The following USP42 variants were observed in gnomAD, a reference collection of about 807,000 sequenced individuals.
The protein encoded by USP42 is ubiquitin carboxyl-terminal hydrolase 42.
USP42 carries 23 observed loss-of-function variants against 113.0 expected under a neutral mutation model. The ratio of observed to expected loss-of-function variants is 0.20; its 90% CI spans 0.15 to 0.29. USP42 has a LOEUF of 0.29. Ranked by LOEUF, USP42 falls within the 10% of genes least tolerant of loss-of-function variation. USP42 has a pLI of 1.00. For missense variants in USP42, 2,174 were observed against 1,779.8 expected (o/e 1.22, Z -3.99); for synonymous variants, 933 against 699.0 (o/e 1.33, Z -5.28).
At chr7:6,114,676 ATATTTTTTTTTTTTTTTT>A (rs1354402484) in intron 2 of USP42, among the ~76,000 whole-genome samples, 2 of 31,266 alleles carry the variant, frequency 6.4e-5, no homozygotes, top group Non-Finnish European at 1.0e-4. Context: ...ATATATATAT[ATATTTTTTTTTTTTTTTT>A]TTTTTTTTTT....
rs759259161 is a variant in USP42 at position 6,139,389 on chromosome 7, C to T, written c.656+195C>T. 40 of 463,314 alleles carry T rather than the reference C, an allele frequency of 8.6e-5. No individual in the cohort carries two copies. The highest frequency in any genetic ancestry group is 1.1e-3 in the Middle Eastern group (2 of 1,836). 28.7% of individuals were successfully genotyped at this position (463,314 alleles called of 1,614,324 possible). A position where few individuals can be genotyped will look rare whatever the true frequency, so the allele number is the denominator to read the frequency against. On this transcript the variant is annotated intron_variant, in intron 5 of 17. Transcript: ENST00000306177. This position sits in a 1 kb window ranked among gnomAD's most constrained non-coding sequence, Gnocchi z 4.5. Reference sequence around the variant, plus strand: ...GGTTGAAATTTACACGTGTGTCTTACGTAACAGTTTGAGTTGGCTCAATCA... The same window carrying T: ...GGTTGAAATTTACACGTGTGTCTTATGTAACAGTTTGAGTTGGCTCAATCA...
intron 14 of USP42, chr7:6,153,025 C>A (rs895148506): frequency 2.9e-5 from 26 of 903,082 alleles, no homozygotes; most frequent in Non-Finnish European, 3.3e-5. Flanking sequence ...AATCCCAGCA[C>A]TTTGGGAGGC....
At chr7:6,092,483 G>A in the USP42 span, among the ~76,000 whole-genome samples, 3 of 150,884 alleles carry the variant, frequency 2.0e-5, no homozygotes, top group African/African-American at 7.4e-5. Context: ...CCGGCCTCAA[G>A]GACCTATTTC....
chr7:6,083,308 T>A, the USP42 span, among the ~76,000 whole-genome samples: 1 of 149,456 alleles, frequency 6.7e-6, no homozygotes, highest in Non-Finnish European at 1.5e-5. Flanking sequence ...CAGGCTGGAG[T>A]GCAGTGGTGC....
At chr7:6,096,354 G>T in the USP42 span, among the ~76,000 whole-genome samples, 1 of 151,248 alleles carries the variant, frequency 6.6e-6, no homozygotes, top group African/African-American at 2.5e-5. Context: ...GTGACAGTAG[G>T]GTTTTATGGG....
chr7:6,118,854 C>G (rs527315958), intron 3 of USP42, among the ~76,000 whole-genome samples: 1 of 152,226 alleles, frequency 6.6e-6, no homozygotes, highest in African/African-American at 2.4e-5. Context: ...TTTCTGGACT[C>G]TATTATGTTG....
intron 2 of USP42, among the ~76,000 whole-genome samples, chr7:6,114,656 G>GTGTA (rs1187768774): frequency 1.8e-4 from 11 of 60,596 alleles, no homozygotes; most frequent in African/African-American, 8.7e-4. Flanking sequence ...ATGTGTGTGT[G>GTGTA]TATATATATA....
In USP42 at chr7:6,151,046, C is replaced by A. The variant is rs59122532; in HGVS notation, c.2201+540C>A. Reference sequence around the variant, plus strand: ...TGCACAGCCTGTGACTGCACTGGATCCCGTAGGCAGCTGTAATACAGTGGT... The same window carrying A: ...TGCACAGCCTGTGACTGCACTGGATACCGTAGGCAGCTGTAATACAGTGGT... On this transcript the variant is annotated intron_variant, in intron 14 of 17. Coordinates refer to ENST00000306177, the MANE Select transcript of USP42 (RefSeq NM_032172.3). Among the ~76,000 whole-genome samples the A allele has an allele frequency of 5.0e-4, 76 of 152,318 alleles. No individual in the cohort carries two copies. In the East Asian group the frequency reaches 0.013, roughly 27 times the overall value.
intron 7 of USP42, 109 bp downstream of exon 7, chr7:6,141,093 T>C (rs1781403016): frequency 1.9e-6 from 1 of 527,564 alleles, no homozygotes; most frequent in Non-Finnish European, 3.3e-6. Flanking sequence ...AATTGAAAAA[T>C]TCAATATGCT....
At chr7:6,123,195 T>C (rs1360323929) in intron 3 of USP42, among the ~76,000 whole-genome samples, 2 of 152,118 alleles carry the variant, frequency 1.3e-5, no homozygotes, top group Non-Finnish European at 2.9e-5. Context: ...CAAATAATAT[T>C]CTTTGCTCTG....
intron 9 of USP42, among the ~76,000 whole-genome samples, chr7:6,145,263 G>A (rs752653345): frequency 1.3e-5 from 2 of 151,670 alleles, no homozygotes; most frequent in Admixed American, 6.6e-5. Context: ...CCCGGGAGGC[G>A]GAGCTTCCAG....
chr7:6,127,475 A>T, intron 3 of USP42, among the ~76,000 whole-genome samples: 1 of 151,050 alleles, frequency 6.6e-6, no homozygotes, highest in African/African-American at 2.4e-5. Flanking sequence ...AGAAACTGAG[A>T]TTTGAGCTGA....
At chr7:6,144,035 T>C in intron 8 of USP42, 50 bp from the exon 9 acceptor site, 1 of 1,206,860 alleles carries the variant, frequency 8.3e-7, no homozygotes, top group South Asian at 1.6e-5. Context: ...ATACCACAAA[T>C]TGTGTGTATA....
chr7:6,156,210 T>C (rs1273124081), intron 15 of USP42, among the ~76,000 whole-genome samples: 11 of 152,170 alleles, frequency 7.2e-5, no homozygotes, highest in Non-Finnish European at 4.4e-5. Flanking sequence ...GCAGTGGTTA[T>C]TGGAGGGAAA....
In USP42 at chr7:6,154,441, G is replaced by A. The variant is rs778611775; in HGVS notation, c.2887G>A (p.Gly963Arg). 9.6e-6 allele frequency: 15 copies of A among 1,568,734 alleles called. No individual in the cohort carries two copies. The Admixed American group carries it at 2.1e-4, about 22-fold the overall frequency. Reference protein sequence around the residue: ...YRSRRERSSSGEPARESRSKT... With the variant: ...YRSRRERSSSREPARESRSKT... ...CAGCCGGAGAGAGCGCTCGTCCAGCGGGGAGCCCGCCAGAGAGAGCAGGAG... is the reference window on the plus strand; with the variant it reads ...CAGCCGGAGAGAGCGCTCGTCCAGCAGGGAGCCCGCCAGAGAGAGCAGGAG... Residue 963 changes from glycine (G) to arginine (R), a missense_variant, in exon 15 of 18, where the codon GGG (glycine) becomes AGG (arginine). Physicochemically the swap from Gly to Arg is moderately radical, Grantham distance 125. Transcript: ENST00000306177.
chr7:6,144,062 C>A, intron 8 of USP42, 23 bp from the exon 9 acceptor site: 5 of 1,457,560 alleles, frequency 3.4e-6, no homozygotes, highest in South Asian at 1.3e-5. Flanking sequence ...TCTTCTTATA[C>A]TTTTGTTTCT....
chr7:6,153,966 C>G lies in USP42; in HGVS notation c.2412C>G (p.Ser804Arg), dbSNP rs370074346. 2 of 1,595,468 alleles carry G rather than the reference C, an allele frequency of 1.3e-6. No individual in the cohort carries two copies. The highest frequency in any genetic ancestry group is 3.4e-5 in the Admixed American group (2 of 59,406). Residue 804 changes from serine to arginine, a missense_variant, in exon 15 of 18, where the codon AGC (serine) becomes AGG (arginine). Transcript: ENST00000306177. ...TCGCCCCCGAGGAGCCTCCGCCCAG[C>G]GCCGGCGAGGACATCGTGGGGGACA... ...MAVAPEEPPPSAGEDIVGDTA... is the reference protein window; with the variant it reads ...MAVAPEEPPPRAGEDIVGDTA...
Position 6,154,424 on chromosome 7 carries a change from G to T in USP42, c.2870G>T (p.Arg957Ile). The part of the protein sequence containing the change: ...KVDRGHYRSR[R>I]ERSSSGEPAR... ...GACCGAGGCCACTACCGCAGCCGGA[G>T]AGAGCGCTCGTCCAGCGGGGAGCCC... The change falls in exon 15 of 18, where the codon AGA becomes ATA. Residue 957 changes from arginine (R) to isoleucine (I), a missense_variant. By Grantham distance (97) the Arg-to-Ile change is moderately conservative. Coordinates refer to ENST00000306177, the MANE Select transcript of USP42 (RefSeq NM_032172.3). 2 of 1,574,628 alleles carry T rather than the reference G, an allele frequency of 1.3e-6. No individual in the cohort carries two copies. Among genetic ancestry groups the T allele is most frequent in the Non-Finnish European group, 1.7e-6 (2 of 1,161,834 alleles).
In USP42 at chr7:6,158,259, C is replaced by CGGCAG. The variant is rs1782575320; in HGVS notation, c.3944-1183_3944-1179dup. Among the ~76,000 whole-genome samples, 1 of 152,204 alleles carries CGGCAG rather than the reference C, an allele frequency of 6.6e-6. No homozygotes were observed. Among genetic ancestry groups the CGGCAG allele is most frequent in the African/African-American group, 2.4e-5 (1 of 41,450 alleles). On this transcript the variant is annotated intron_variant, in intron 16 of 17. Transcript: ENST00000306177. This position sits in a 1 kb window ranked among gnomAD's most constrained non-coding sequence, Gnocchi z 4.2. ...ACTGCCTGGCAGAGGTGAGTGGCTGCGGCAGGGCAGGGACCGTGTGGCTCG... is the reference window on the plus strand; with the variant it reads ...ACTGCCTGGCAGAGGTGAGTGGCTGCGGCAGGGCAGGGCAGGGACCGTGTGGCTCG...
Sources: gnomAD v4.1 joint callset for allele counts (sites outside exome capture counted in the v4.1 genomes callset) on GRCh38, gnomAD v4.1.1 for gene constraint, Gnocchi (gnomAD v3.1) non-coding constraint, MANE v1.5 for transcripts, NCBI Gene and HGNC (gene_info 2026-07-23, HGNC 2026-07-21) for gene names.